Variants in EMCN observed in about 807,000 individuals in gnomAD.
EMCN encodes the protein endomucin.
In EMCN, 37 loss-of-function variants were observed where a neutral mutation model predicts 38.4. That is an observed-to-expected ratio of 0.96 (90% confidence interval 0.74 to 1.27). EMCN has a LOEUF of 1.27. Ranked by LOEUF, EMCN falls within the 50% of genes most tolerant of loss-of-function variation. EMCN has a pLI of 0.00. For missense variants in EMCN, 318 were observed against 302.8 expected (o/e 1.05, Z -0.37); for synonymous variants, 95 against 100.8 (o/e 0.94, Z 0.35).
At chr4:100,451,315 A>G (rs1362746776) in intron 4 of EMCN, among the ~76,000 whole-genome samples, 2 of 151,966 alleles carry the variant, frequency 1.3e-5, no homozygotes, top group African/African-American at 4.8e-5. Context: ...TGTGGGAAAT[A>G]TCAGGGTAAA....
In EMCN at chr4:100,396,326, G is replaced by T. The variant is rs1726117623; in HGVS notation, c.*2087C>A. The T allele has an allele frequency of 1.3e-5, 2 of 151,996 alleles. No homozygotes were observed. Among genetic ancestry groups the T allele is most frequent in the Admixed American group, 6.6e-5 (1 of 15,250 alleles). The allele number at this position is 151,996 out of a possible 1,614,324, so 9.4% of individuals were successfully genotyped here. ...TTATTCTTTTCTGACCATTAAAATTGTTCCCTCTTCCTAATTCTTGTAAAC... is the reference window on the plus strand; with the variant it reads ...TTATTCTTTTCTGACCATTAAAATTTTTCCCTCTTCCTAATTCTTGTAAAC... On this transcript the variant is annotated 3_prime_UTR_variant, in exon 12 of 12. Coordinates refer to ENST00000296420, the MANE Select transcript of EMCN (RefSeq NM_016242.4).
At chr4:100,482,165 A>C (rs1249229177) in intron 1 of EMCN, among the ~76,000 whole-genome samples, 1 of 152,172 alleles carries the variant, frequency 6.6e-6, no homozygotes, top group Non-Finnish European at 1.5e-5. Flanking sequence ...GTTGTGATAC[A>C]ATTAAAGAAT....
chr4:100,438,778 GT>G lies in EMCN; in HGVS notation c.415+8754del, dbSNP rs996147744. On this transcript the variant is annotated intron_variant, in intron 5 of 11. Transcript: ENST00000296420. The stretch of plus-strand genomic sequence containing the variant: ...TCCTTTTATGCCTAAACTGTTGAGA[GT>G]TTTTTTTTTAATCAAGAATTGATGT... Among the ~76,000 whole-genome samples, 16 of 147,790 alleles carry G rather than the reference GT, an allele frequency of 1.1e-4. 1 individual carries two copies. The highest frequency in any genetic ancestry group is 2.7e-4 in the Admixed American group (4 of 14,800).
intron 1 of EMCN, among the ~76,000 whole-genome samples, chr4:100,513,391 C>T (rs535132673): frequency 6.6e-5 from 10 of 152,198 alleles, no homozygotes; most frequent in South Asian, 2.1e-4. Context: ...CCTGTAATGA[C>T]GCATAAAGAT....
chr4:100,472,047 C>T (rs1445976084), intron 3 of EMCN, among the ~76,000 whole-genome samples: 1 of 151,924 alleles, frequency 6.6e-6, no homozygotes, highest in Non-Finnish European at 1.5e-5. Context: ...CCCACAACTT[C>T]TACTCAACCT....
chr4:100,440,605 G>A (rs1472596190), intron 5 of EMCN, among the ~76,000 whole-genome samples: 2 of 151,872 alleles, frequency 1.3e-5, no homozygotes, highest in African/African-American at 2.4e-5. Flanking sequence ...ATTCTATGGT[G>A]TGTGTGTATA....
chr4:100,511,298 A>G (rs541763115), intron 1 of EMCN, among the ~76,000 whole-genome samples: 37 of 152,266 alleles, frequency 2.4e-4, no homozygotes, highest in Admixed American at 6.5e-4. Flanking sequence ...TTTGTGATGG[A>G]AGTAATGTGT....
At chr4:100,419,107 C>T (rs920434896) in intron 8 of EMCN, among the ~76,000 whole-genome samples, 3 of 151,818 alleles carry the variant, frequency 2.0e-5, no homozygotes, top group South Asian at 2.1e-4. Flanking sequence ...GAAACTATAG[C>T]GATAGTCTCA....
chr4:100,443,419 A>T (rs891872758), intron 5 of EMCN, among the ~76,000 whole-genome samples: 1 of 152,250 alleles, frequency 6.6e-6, no homozygotes, highest in Non-Finnish European at 1.5e-5. Context: ...ATCAATGTGC[A>T]GCTTCTTTAG....
At chr4:100,500,940 G>GT (rs200798246) in intron 1 of EMCN, among the ~76,000 whole-genome samples, 59 of 151,420 alleles carry the variant, frequency 3.9e-4, no homozygotes, top group Middle Eastern at 6.8e-3. Context: ...CTGATTTGTA[G>GT]TTTTTTTTCT....
intron 4 of EMCN, among the ~76,000 whole-genome samples, chr4:100,457,899 A>T (rs1728061992): frequency 6.6e-6 from 1 of 152,102 alleles, no homozygotes; most frequent in Non-Finnish European, 1.5e-5. Flanking sequence ...TGGGTGGATC[A>T]TGAGATCAGG....
intron 11 of EMCN, 113 bp downstream of exon 11, chr4:100,410,169 C>A: frequency 1.3e-6 from 1 of 793,686 alleles, no homozygotes; most frequent in East Asian, 2.5e-5. Flanking sequence ...ATTGCATTGA[C>A]ACAAACCATT....
intron 2 of EMCN, 110 bp from the exon 3 acceptor site, chr4:100,475,219 T>C (rs1728601994): frequency 6.4e-6 from 3 of 472,006 alleles, no homozygotes; most frequent in Non-Finnish European, 1.1e-5. Flanking sequence ...TTTGTCTATC[T>C]TTAATTTTTC....
rs532133988 is a variant in EMCN at position 100,516,159 on chromosome 4, A to G, written c.64+1692T>C. On this transcript the variant is annotated intron_variant, in intron 1 of 11. Transcript: ENST00000296420. ...AGAAAGAAGAACTGTTAACAGGTTGAGCTCATTACCAGTGAGCAAAAGGAG... is the reference window on the plus strand; with the variant it reads ...AGAAAGAAGAACTGTTAACAGGTTGGGCTCATTACCAGTGAGCAAAAGGAG... Among the ~76,000 whole-genome samples the G allele has an allele frequency of 1.1e-3, 165 of 152,262 alleles. 1 individual carries two copies. The highest frequency in any genetic ancestry group is 2.0e-3 in the Non-Finnish European group (138 of 68,006).
At chr4:100,507,616 C>T (rs1233839839) in intron 1 of EMCN, among the ~76,000 whole-genome samples, 1 of 152,168 alleles carries the variant, frequency 6.6e-6, no homozygotes, top group Non-Finnish European at 1.5e-5. Context: ...GCAGAATACT[C>T]TTCCCAAATC....
rs536416253 is a variant in EMCN, at chr4:100,448,619, C to G, written c.377-1048G>C. 3.3e-5 allele frequency among the ~76,000 whole-genome samples: 5 copies of G among 152,238 alleles called. No individual in the cohort carries two copies. The South Asian group carries it at 1.0e-3, about 32-fold the overall frequency. On this transcript the variant is annotated intron_variant, in intron 4 of 11. Transcript: ENST00000296420. ...GTCCACCCAGCACCTGTATCTCTCC[C>G]CTGAGAACCTGCAATAGCTGCTTAG... is the stretch of plus-strand genomic sequence containing the variant.
intron 1 of EMCN, among the ~76,000 whole-genome samples, chr4:100,498,569 C>G (rs141085121): frequency 1.3e-5 from 2 of 151,938 alleles, no homozygotes; most frequent in African/African-American, 4.8e-5. Flanking sequence ...GCAACCTCCA[C>G]CTCCTGGGTT....
intron 7 of EMCN, 51 bp downstream of exon 7, chr4:100,422,970 C>T (rs748430407): frequency 7.0e-6 from 11 of 1,568,822 alleles, no homozygotes; most frequent in Non-Finnish European, 9.7e-6. Context: ...TGGTCACATT[C>T]AAACATTCTG....
Position 100,500,190 on chromosome 4 carries a change from G to C in EMCN, c.64+17661C>G, listed in dbSNP as rs1012026743. Among the ~76,000 whole-genome samples, 4 of 152,144 alleles carry C rather than the reference G, an allele frequency of 2.6e-5. No homozygotes were observed. The East Asian group carries it at 7.7e-4, about 29-fold the overall frequency. Reference sequence around the variant, plus strand: ...TTTCCTGATATTTCTTAAGATTTTTGAATTAAATACATTCAGTCTCTTTTA... The same window carrying C: ...TTTCCTGATATTTCTTAAGATTTTTCAATTAAATACATTCAGTCTCTTTTA... On this transcript the variant is annotated intron_variant, in intron 1 of 11. Coordinates refer to ENST00000296420, the MANE Select transcript of EMCN (RefSeq NM_016242.4).
Sources: allele counts gnomAD v4.1 joint callset (sites outside exome capture counted in the v4.1 genomes callset), GRCh38; gene constraint gnomAD v4.1.1; transcripts MANE v1.5; gene names NCBI Gene and HGNC (gene_info 2026-07-23, HGNC 2026-07-21).